Variants in WDR72 observed in about 807,000 individuals in gnomAD.
The protein encoded by WDR72 is WD repeat-containing protein 72.
In WDR72, 120 loss-of-function variants were observed where a neutral mutation model predicts 124.2. That is an observed-to-expected ratio of 0.97 (90% CI 0.83 to 1.12). WDR72 has a LOEUF of 1.12. WDR72 is among the 50% of genes most tolerant of loss of function. The probability of loss-of-function intolerance (pLI) is 0.00; values close to 1 mark genes in which losing one functional copy is unlikely to be tolerated. For missense variants in WDR72, 1,387 were observed against 1,278.8 expected, an observed-to-expected ratio of 1.08 and a Z score of -1.29; for synonymous variants, 452 against 441.7, an observed-to-expected ratio of 1.02 and a Z score of -0.29.
At chr15:53,635,594 A>G (rs1017310670) in intron 14 of WDR72, among the ~76,000 whole-genome samples, 7 of 152,142 alleles carry the variant, frequency 4.6e-5, no homozygotes, top group African/African-American at 1.7e-4. Flanking sequence ...CTGCAACAGA[A>G]AACCAAATAC....
At chr15:53,733,961 T>A (rs1479138304) in intron 1 of WDR72, among the ~76,000 whole-genome samples, 1 of 152,140 alleles carries the variant, frequency 6.6e-6, no homozygotes, top group Non-Finnish European at 1.5e-5. Context: ...ATATATTTAA[T>A]CCCATTAAAA....
At chr15:53,544,900 C>T (rs969496362) in intron 18 of WDR72, among the ~76,000 whole-genome samples, 5 of 150,910 alleles carry the variant, frequency 3.3e-5, no homozygotes, top group African/African-American at 1.2e-4. Flanking sequence ...CATGAGTGAA[C>T]TCCCATTCAC....
At chr15:53,711,681 C>T (rs1051769502) in intron 7 of WDR72, among the ~76,000 whole-genome samples, 200 bp from the exon 8 acceptor site, 3 of 152,108 alleles carry the variant, frequency 2.0e-5, no homozygotes, top group African/African-American at 7.2e-5. Flanking sequence ...GGATACAGTT[C>T]ATCTGGTTAT....
chr15:53,699,982 C>A, intron 12 of WDR72, 37 bp from the exon 13 acceptor site: 2 of 1,612,564 alleles, frequency 1.2e-6, no homozygotes, highest in South Asian at 2.2e-5. Flanking sequence ...AGTAAATAGT[C>A]AAATGCTTTC....
At chr15:53,666,129 G>T (rs1248890750) in intron 13 of WDR72, among the ~76,000 whole-genome samples, 14 of 152,172 alleles carry the variant, frequency 9.2e-5, no homozygotes, top group Admixed American at 7.2e-4. Context: ...CAACTCACAA[G>T]CAACAGAGAA....
chr15:53,717,033 C>A (rs890167420), intron 3 of WDR72, among the ~76,000 whole-genome samples: 6 of 152,042 alleles, frequency 3.9e-5, no homozygotes, highest in Non-Finnish European at 1.5e-5. Flanking sequence ...TGAACTTAAA[C>A]TACATATTCT....
At chr15:53,537,194 T>A (rs182383320) in intron 18 of WDR72, among the ~76,000 whole-genome samples, 19 of 152,304 alleles carry the variant, frequency 1.2e-4, no homozygotes, top group Admixed American at 1.0e-3. Flanking sequence ...TTAAAGCCCA[T>A]GATTGTGTCT....
At chr15:53,685,608 G>A (rs796788421) in intron 13 of WDR72, among the ~76,000 whole-genome samples, 1 of 149,218 alleles carries the variant, frequency 6.7e-6, no homozygotes, top group Non-Finnish European at 1.5e-5. Flanking sequence ...AAGTGATGGG[G>A]AGAATGGAAC....
chr15:53,662,230 T>C (rs1413672442), intron 14 of WDR72, among the ~76,000 whole-genome samples: 1 of 152,160 alleles, frequency 6.6e-6, no homozygotes, highest in African/African-American at 2.4e-5. Flanking sequence ...TTTAAATCCT[T>C]TATGACTCTG....
At chr15:53,579,030 T>C (rs540086413) in intron 18 of WDR72, among the ~76,000 whole-genome samples, 2 of 152,186 alleles carry the variant, frequency 1.3e-5, no homozygotes, top group East Asian at 1.9e-4. Flanking sequence ...ATGACTTCCA[T>C]AGATGAACTG....
At chr15:53,556,540 A>G (rs781745337) in intron 18 of WDR72, among the ~76,000 whole-genome samples, 2 of 152,122 alleles carry the variant, frequency 1.3e-5, no homozygotes, top group Admixed American at 1.3e-4. Flanking sequence ...CAAATCATCC[A>G]TGTGAAGAAG....
At chr15:53,614,257 T>C (rs1362173333) in intron 15 of WDR72, among the ~76,000 whole-genome samples, 1 of 152,100 alleles carries the variant, frequency 6.6e-6, no homozygotes, top group Non-Finnish European at 1.5e-5. Context: ...TAAAATATAG[T>C]TAAATCATGT....
chr15:53,633,324 G>A (rs7171932), intron 14 of WDR72, among the ~76,000 whole-genome samples: 5 of 151,820 alleles, frequency 3.3e-5, no homozygotes, highest in Admixed American at 3.3e-4. Context: ...ACGTGCCTAC[G>A]TCCCCTTCAC....
rs191716850 is a variant in WDR72, at chr15:53,658,961, T to C, written c.1962+6611A>G. ...GTGCAGTAAGGCATCTCCATTCTAT[T>C]TGGCTGCTGTCAAAGCCACTCTTTA... On this transcript the variant is annotated intron_variant, in intron 14 of 19. Coordinates refer to ENST00000360509, the MANE Select transcript of WDR72 (RefSeq NM_182758.4). Among the ~76,000 whole-genome samples the C allele has an allele frequency of 2.9e-3, 442 of 152,308 alleles. 2 individuals are homozygous for C. Among genetic ancestry groups the C allele is most frequent in the Middle Eastern group, 6.8e-3 (2 of 294 alleles).
intron 13 of WDR72, among the ~76,000 whole-genome samples, chr15:53,672,662 T>A (rs1200370386): frequency 6.6e-6 from 1 of 152,082 alleles, no homozygotes; most frequent in African/African-American, 2.4e-5. Flanking sequence ...AGAGCACACT[T>A]CTATACATCT....
intron 1 of WDR72, among the ~76,000 whole-genome samples, chr15:53,747,982 CT>C (rs10625145): frequency 8.1e-4 from 120 of 147,966 alleles, no homozygotes; most frequent in African/African-American, 1.3e-3. Flanking sequence ...CAGTGAAAAT[CT>C]TTTTTTTTTT....
At chr15:53,748,693 C>T (rs2018702901) in intron 1 of WDR72, among the ~76,000 whole-genome samples, 1 of 152,122 alleles carries the variant, frequency 6.6e-6, no homozygotes, top group African/African-American at 2.4e-5. Flanking sequence ...TTCCTCATTA[C>T]TTCAACATTC....
At chr15:53,638,868 T>C (rs1365714923) in intron 14 of WDR72, among the ~76,000 whole-genome samples, 1 of 151,914 alleles carries the variant, frequency 6.6e-6, no homozygotes, top group African/African-American at 2.4e-5. Flanking sequence ...CCAGGCATGA[T>C]GGCGGGTACC....
At chr15:53,523,152 T>C (rs899315975) in intron 19 of WDR72, 66 bp downstream of exon 19, 1 of 1,502,012 alleles carries the variant, frequency 6.7e-7, no homozygotes, top group African/African-American at 1.4e-5. Flanking sequence ...CTCACCCCCT[T>C]CCAAGGACCC....
Sources: allele counts gnomAD v4.1 joint callset (sites outside exome capture counted in the v4.1 genomes callset), GRCh38; gene constraint gnomAD v4.1.1; transcripts MANE v1.5; gene names NCBI Gene and HGNC (gene_info 2026-07-23, HGNC 2026-07-21).